The following CNTNAP4 variants were observed in gnomAD, a reference collection of about 807,000 sequenced individuals.
CNTNAP4 encodes contactin-associated protein-like 4.
In CNTNAP4, 98 loss-of-function variants were observed where a neutral mutation model predicts 148.4. The observed-to-expected ratio is 0.66, with a 90% CI of 0.56 to 0.78. The LOEUF (loss-of-function observed/expected upper bound fraction) is 0.78, where lower values mean the gene tolerates loss of function less well. Ranked by LOEUF, CNTNAP4 falls within the 30% of genes least tolerant of loss-of-function variation. The pLI is 0.00. For synonymous variants in CNTNAP4, 730 were observed against 565.1 expected (o/e 1.29, Z -4.14); for missense variants, 1,935 against 1,565.6 (o/e 1.24, Z -3.98).
At chr16:76,376,821 TAG>T (rs1249329104) in intron 3 of CNTNAP4, among the ~76,000 whole-genome samples, 2 of 151,890 alleles carry the variant, frequency 1.3e-5, no homozygotes, top group Non-Finnish European at 2.9e-5. Context: ...CAGAACCATG[TAG>T]AAAAGGAAGT....
intron 1 of CNTNAP4, chr16:76,309,868 G>A (rs376754880): frequency 1.4e-6 from 1 of 701,508 alleles, no homozygotes; most frequent in Admixed American, 2.0e-5. Context: ...TTCTCTTGCA[G>A]CCGCCATGAT....
At chr16:76,382,318 A>G (rs146339378) in intron 3 of CNTNAP4, among the ~76,000 whole-genome samples, 2 of 152,254 alleles carry the variant, frequency 1.3e-5, no homozygotes, top group African/African-American at 4.8e-5. Context: ...ATAAATACAT[A>G]GAAAGGAATT....
intron 3 of CNTNAP4, among the ~76,000 whole-genome samples, chr16:76,363,026 G>A (rs2013630525): frequency 6.6e-6 from 1 of 150,670 alleles, no homozygotes; most frequent in African/African-American, 2.4e-5. Context: ...TTCAAGACCA[G>A]CCTGGGCAAT....
intron 15 of CNTNAP4, among the ~76,000 whole-genome samples, chr16:76,502,010 A>G (rs1034519938): frequency 1.3e-5 from 2 of 151,474 alleles, no homozygotes; most frequent in Non-Finnish European, 3.0e-5. Context: ...CGGAGCTTGC[A>G]GTGAGCCGAG....
At chr16:76,506,002 A>G (rs1314812286) in intron 15 of CNTNAP4, among the ~76,000 whole-genome samples, 2 of 98,016 alleles carry the variant, frequency 2.0e-5, no homozygotes, top group African/African-American at 5.1e-5. Context: ...ATATTCTCCA[A>G]TTCTCCAGCA....
intron 1 of CNTNAP4, among the ~76,000 whole-genome samples, chr16:76,283,516 G>T (rs1958768790): frequency 6.6e-6 from 1 of 152,030 alleles, no homozygotes; most frequent in South Asian, 2.1e-4. Flanking sequence ...TAGTGCCATG[G>T]ATGGTGCTGG....
chr16:76,434,244 G>A (rs1451442944), intron 4 of CNTNAP4, among the ~76,000 whole-genome samples: 1 of 151,922 alleles, frequency 6.6e-6, no homozygotes, highest in Admixed American at 6.6e-5. Context: ...AGTTATTAAG[G>A]TCTCTCCAAA....
At chr16:76,528,052 T>A (rs1255035393) in intron 17 of CNTNAP4, among the ~76,000 whole-genome samples, 1 of 152,152 alleles carries the variant, frequency 6.6e-6, no homozygotes, top group Non-Finnish European at 1.5e-5. Context: ...ATATTTCAAA[T>A]AACAAAGTTA....
chr16:76,467,201 G>C (rs982938255), intron 9 of CNTNAP4, 151 bp from the exon 10 acceptor site: 6 of 650,204 alleles, frequency 9.2e-6, no homozygotes, highest in Non-Finnish European at 1.5e-5. Context: ...TTGTAATTTA[G>C]ATCAAACTAA....
At chr16:76,499,553 T>G (rs2082541175) in intron 15 of CNTNAP4, among the ~76,000 whole-genome samples, 1 of 151,938 alleles carries the variant, frequency 6.6e-6, no homozygotes, top group East Asian at 1.9e-4. Context: ...TTTTATTTAT[T>G]TATTTATTTA....
intron 1 of CNTNAP4, among the ~76,000 whole-genome samples, chr16:76,302,214 A>G (rs1215932486): frequency 6.6e-6 from 1 of 152,282 alleles, no homozygotes; most frequent in African/African-American, 2.4e-5. Context: ...CAAAAAACAG[A>G]AAGTGACAAA....
At chr16:76,380,094 TGTA>T (rs751502976) in intron 3 of CNTNAP4, among the ~76,000 whole-genome samples, 27 of 152,338 alleles carry the variant, frequency 1.8e-4, no homozygotes, top group East Asian at 9.6e-4. Context: ...GCAAGTCTGT[TGTA>T]GTATTTCAAG....
intron 2 of CNTNAP4, among the ~76,000 whole-genome samples, chr16:76,349,663 C>G (rs1019341744): frequency 6.6e-6 from 1 of 152,060 alleles, no homozygotes; most frequent in South Asian, 2.1e-4. Context: ...AAGTAATTAT[C>G]TTGGAGGGAA....
At chr16:76,400,529 A>C (rs1203993237) in intron 3 of CNTNAP4, among the ~76,000 whole-genome samples, 1 of 151,884 alleles carries the variant, frequency 6.6e-6, no homozygotes, top group Non-Finnish European at 1.5e-5. Flanking sequence ...GCTGTGCAAA[A>C]GCTCTTAATT....
chr16:76,528,860 C>G (rs1057286109), intron 17 of CNTNAP4, among the ~76,000 whole-genome samples: 1 of 152,206 alleles, frequency 6.6e-6, no homozygotes, highest in African/African-American at 2.4e-5. Flanking sequence ...AGAGATGCAG[C>G]TAGCATTAGC....
chr16:76,533,607 T>C (rs1042919328), intron 17 of CNTNAP4, among the ~76,000 whole-genome samples: 13 of 152,056 alleles, frequency 8.5e-5, no homozygotes, highest in East Asian at 1.9e-4. Flanking sequence ...TTATTATGTG[T>C]CTATTAATTT....
intron 21 of CNTNAP4, among the ~76,000 whole-genome samples, chr16:76,546,122 G>A (rs1386790420): frequency 6.6e-6 from 1 of 152,188 alleles, no homozygotes; most frequent in Non-Finnish European, 1.5e-5. Context: ...ATATGTGAGT[G>A]AATTTATTAA....
intron 13 of CNTNAP4, among the ~76,000 whole-genome samples, chr16:76,492,007 G>A (rs966430171): frequency 6.6e-6 from 1 of 152,154 alleles, no homozygotes. Context: ...AGTGAAATAA[G>A]TCAGAAACAG....
chr16:76,444,291 A>G (rs1360536722), intron 4 of CNTNAP4, among the ~76,000 whole-genome samples: 3 of 152,192 alleles, frequency 2.0e-5, no homozygotes, highest in Admixed American at 6.5e-5. Flanking sequence ...ATCTGGCCTT[A>G]ATTATTATTC....
Sources: gnomAD v4.1 joint callset for allele counts (sites outside exome capture counted in the v4.1 genomes callset) on GRCh38, gnomAD v4.1.1 for gene constraint, MANE v1.5 for transcripts, NCBI Gene and HGNC (gene_info 2026-07-23, HGNC 2026-07-21) for gene names.